The following PDZD2 variants were observed in gnomAD, a reference collection of about 807,000 sequenced individuals.
The protein encoded by PDZD2 is PDZ domain containing 2, also known as PDZ domain-containing protein 2.
Under a neutral mutation model 220.7 loss-of-function variants are expected in PDZD2, and 90 were observed. The observed-to-expected ratio is 0.41, with a 90% CI of 0.34 to 0.49. The LOEUF (loss-of-function observed/expected upper bound fraction) is 0.49. Among genes scored for constraint, PDZD2 ranks in the 20% least tolerant of loss-of-function variants. PDZD2 has a pLI of 0.28. For missense variants in PDZD2, 3,174 were observed against 3,608.5 expected (o/e 0.88, Z 3.08); for synonymous variants, 1,375 against 1,450.5 (o/e 0.95, Z 1.18).
intron 2 of PDZD2, among the ~76,000 whole-genome samples, chr5:31,896,360 GTGTGTGTA>G (rs1554091127): frequency 2.4e-4 from 35 of 144,696 alleles, no homozygotes; most frequent in South Asian, 1.9e-3. Context: ...GTGTGTGTGT[GTGTGTGTA>G]TGTGTGTGTG....
At chr5:32,103,182 C>T (rs1744423064) in intron 24 of PDZD2, among the ~76,000 whole-genome samples, 1 of 152,150 alleles carries the variant, frequency 6.6e-6, no homozygotes, top group African/African-American at 2.4e-5. Context: ...GAAAAAATGA[C>T]AGGACTATGC....
chr5:31,753,810 C>T (rs1281979022), intron 1 of PDZD2, among the ~76,000 whole-genome samples: 3 of 152,146 alleles, frequency 2.0e-5, no homozygotes, highest in Admixed American at 6.5e-5. Flanking sequence ...AGTTTGAGAC[C>T]TCACAGAGGT....
chr5:32,032,034 T>A (rs1462181071), intron 6 of PDZD2, among the ~76,000 whole-genome samples: 2 of 152,236 alleles, frequency 1.3e-5, no homozygotes, highest in Non-Finnish European at 2.9e-5. Context: ...TTAAAATATG[T>A]ATACTCTGAA....
At chr5:32,029,733 A>G (rs941694066) in intron 6 of PDZD2, among the ~76,000 whole-genome samples, 10 of 152,336 alleles carry the variant, frequency 6.6e-5, no homozygotes, top group African/African-American at 2.4e-4. Context: ...TCACTCTACA[A>G]ACATCCCTGG....
At chr5:32,049,366 A>C (rs1305480017) in intron 8 of PDZD2, among the ~76,000 whole-genome samples, 1 of 152,142 alleles carries the variant, frequency 6.6e-6, no homozygotes, top group African/African-American at 2.4e-5. Flanking sequence ...GGCACCACTA[A>C]CCAAGGGGCT....
chr5:31,737,217 G>A (rs1307687283), intron 1 of PDZD2, among the ~76,000 whole-genome samples: 1 of 136,096 alleles, frequency 7.3e-6, no homozygotes, highest in East Asian at 2.1e-4. Context: ...CTGTCTCCCA[G>A]GCTGGAGTGC....
At chr5:31,793,319 C>T (rs1753825695) in intron 1 of PDZD2, among the ~76,000 whole-genome samples, 1 of 151,984 alleles carries the variant, frequency 6.6e-6, no homozygotes, top group Non-Finnish European at 1.5e-5. Flanking sequence ...GGCACTTCCC[C>T]CTCATTTCTT....
chr5:31,834,685 C>T (rs1756837618), intron 2 of PDZD2, among the ~76,000 whole-genome samples: 1 of 150,346 alleles, frequency 6.7e-6, no homozygotes, highest in Admixed American at 6.7e-5. Flanking sequence ...AGGGAACATA[C>T]CTTTAAGAGA....
At chr5:32,097,469 T>G in intron 22 of PDZD2, 89 bp downstream of exon 22, 1 of 792,610 alleles carries the variant, frequency 1.3e-6, no homozygotes, top group Non-Finnish European at 2.2e-6. Flanking sequence ...ATCAGCGGGT[T>G]CAGAGATTGC....
intron 1 of PDZD2, among the ~76,000 whole-genome samples, chr5:31,761,477 G>T (rs1751651108): frequency 6.6e-6 from 1 of 151,426 alleles, no homozygotes; most frequent in Non-Finnish European, 1.5e-5. Flanking sequence ...GGAGAATGTT[G>T]GTATTCTCGG....
chr5:32,013,368 A>T, intron 6 of PDZD2, among the ~76,000 whole-genome samples: 1 of 149,764 alleles, frequency 6.7e-6, no homozygotes, highest in South Asian at 2.1e-4. Flanking sequence ...TATAGCAGTA[A>T]AATTGCTTAG....
chr5:31,776,580 T>G (rs1752667537), intron 1 of PDZD2, among the ~76,000 whole-genome samples: 1 of 150,004 alleles, frequency 6.7e-6, no homozygotes, highest in Non-Finnish European at 1.5e-5. Context: ...CCTCCCAAAG[T>G]GCTGAGATTA....
At chr5:31,927,455 C>T (rs1276663591) in intron 2 of PDZD2, among the ~76,000 whole-genome samples, 6 of 152,168 alleles carry the variant, frequency 3.9e-5, no homozygotes, top group Admixed American at 3.9e-4. Flanking sequence ...CACTATCTCG[C>T]TCACTGCAGC....
At chr5:31,899,364 C>T (rs377463208) in intron 2 of PDZD2, among the ~76,000 whole-genome samples, 6 of 152,012 alleles carry the variant, frequency 3.9e-5, no homozygotes, top group Admixed American at 2.6e-4. Context: ...AACGCCTGAC[C>T]GCAAGTGATC....
chr5:31,874,784 T>C (rs1456222938), intron 2 of PDZD2, among the ~76,000 whole-genome samples: 1 of 147,330 alleles, frequency 6.8e-6, no homozygotes, highest in African/African-American at 2.5e-5. Context: ...AAAGATAAAA[T>C]GCAAAACAGA....
chr5:32,077,693 A>T, intron 19 of PDZD2, 87 bp downstream of exon 19: 2 of 1,378,226 alleles, frequency 1.5e-6, no homozygotes, highest in Non-Finnish European at 2.0e-6. Context: ...GCAGTGGCTT[A>T]CACCTGTAAT....
chr5:31,969,731 A>T (rs1457849785), intron 2 of PDZD2, among the ~76,000 whole-genome samples: 1 of 151,996 alleles, frequency 6.6e-6, no homozygotes, highest in Non-Finnish European at 1.5e-5. Flanking sequence ...TCACTGAATT[A>T]TACCTTTGAA....
rs988447176 is a variant in PDZD2, at chr5:32,101,409, C to T, written c.8353+170C>T. 1.5e-4 allele frequency among the ~76,000 whole-genome samples: 23 copies of T among 152,174 alleles called. 1 individual carries two copies. Among genetic ancestry groups the T allele is most frequent in the Non-Finnish European group, 2.9e-4 (20 of 68,038 alleles). Reference sequence around the variant, plus strand: ...GACATGTATTAACTCATGCCATCCACGTGGCAACTCTATTGGGTGGGTGTC... The same window carrying T: ...GACATGTATTAACTCATGCCATCCATGTGGCAACTCTATTGGGTGGGTGTC... On this transcript the variant is annotated intron_variant, in intron 24 of 24. Transcript: ENST00000438447.
chr5:32,004,815 C>T (rs545207378), intron 5 of PDZD2, among the ~76,000 whole-genome samples: 4 of 152,340 alleles, frequency 2.6e-5, no homozygotes, highest in South Asian at 2.1e-4. Context: ...CTTTTAGGGA[C>T]GCTTGCTTGG....
Sources: gnomAD v4.1 joint callset for allele counts (sites outside exome capture counted in the v4.1 genomes callset) on GRCh38, gnomAD v4.1.1 for gene constraint, MANE v1.5 for transcripts, NCBI Gene and HGNC (gene_info 2026-07-23, HGNC 2026-07-21) for gene names.